Variants in PLCG2 observed in about 807,000 individuals in gnomAD.
PLCG2 encodes phospholipase C gamma 2.
PLCG2 carries 69 observed loss-of-function variants against 175.6 expected under a neutral mutation model. That is an observed-to-expected ratio of 0.39 (90% CI 0.32 to 0.48). PLCG2 has a LOEUF of 0.48. PLCG2 is among the 20% of genes least tolerant of loss of function. The pLI, the probability that PLCG2 is intolerant of heterozygous loss-of-function variation, is 0.91. For synonymous variants in PLCG2, 827 were observed against 624.0 expected, an observed-to-expected ratio of 1.33 and a Z score of -4.85; for missense variants, 1,798 against 1,650.9, an observed-to-expected ratio of 1.09 and a Z score of -1.54.
intron 21 of PLCG2, among the ~76,000 whole-genome samples, chr16:81,922,460 C>G (rs1240386385): frequency 1.3e-5 from 2 of 152,218 alleles, no homozygotes; most frequent in Non-Finnish European, 2.9e-5. Context: ...ATAGTTAGCA[C>G]TTAAGAAGTG....
intron 15 of PLCG2, among the ~76,000 whole-genome samples, chr16:81,907,305 GA>G (rs1015758596): frequency 2.0e-5 from 3 of 150,966 alleles, no homozygotes; most frequent in African/African-American, 7.3e-5. Context: ...TTCATCGGGG[GA>G]AAAAAAAAAG....
At chr16:81,852,923 C>G (rs1906490088) in intron 2 of PLCG2, among the ~76,000 whole-genome samples, 1 of 152,022 alleles carries the variant, frequency 6.6e-6, no homozygotes, top group Non-Finnish European at 1.5e-5. Flanking sequence ...CATGGCCTCT[C>G]CATAGGGCTA....
chr16:81,881,005 C>T lies in PLCG2; in HGVS notation c.692+52C>T, dbSNP rs760000536. On this transcript the variant is annotated intron_variant, in intron 8 of 32. Coordinates refer to ENST00000564138, the MANE Select transcript of PLCG2 (RefSeq NM_002661.5). ...GGGCGGCTGTGCCGGACCTCGGTGC[C>T]TGGTGCCCAGCCGGCCTCCAGGAGG... The T allele has an allele frequency of 4.6e-5, 72 of 1,578,488 alleles. No individual in the cohort carries two copies. In the East Asian group the frequency reaches 1.6e-3, roughly 35 times the overall value.
chr16:81,924,027 C>G (rs564734110), intron 22 of PLCG2, among the ~76,000 whole-genome samples: 67 of 152,250 alleles, frequency 4.4e-4, no homozygotes, highest in Non-Finnish European at 9.0e-4. Context: ...TTCCAATACA[C>G]AAGACTGTGT....
chr16:81,908,282 G>C lies in PLCG2; in HGVS notation c.1558-134G>C, dbSNP rs569893352. On this transcript the variant is annotated intron_variant, in intron 16 of 32. Transcript: ENST00000564138. ...AGGTGCTGTTTTCCCATACCCCTTCGGGTGGGGACCAGCTGAGGCTGGCCT... is the reference window on the plus strand; with the variant it reads ...AGGTGCTGTTTTCCCATACCCCTTCCGGTGGGGACCAGCTGAGGCTGGCCT... 3.7e-5 allele frequency: 28 copies of C among 750,868 alleles called. 1 individual carries two copies. Among genetic ancestry groups the C allele is most frequent in the Non-Finnish European group, 5.5e-5 (25 of 457,012 alleles). 46.5% of individuals were successfully genotyped at this position (750,868 alleles called of 1,614,324 possible).
chr16:81,891,583 C>G lies in PLCG2; in HGVS notation c.979C>G (p.His327Asp). ...GTCTCATTACTGGATCTCCTCGTCA[C>G]ATAACACGTGAGTTTCAGATGAGCC... ...PLSHYWISSSHNTYLTGDQLR... is the reference protein window; with the variant it reads ...PLSHYWISSSDNTYLTGDQLR... Residue 327 changes from histidine to aspartate, a missense_variant, in exon 11 of 33, where the codon CAT becomes GAT. By Grantham distance (81) the His-to-Asp change is moderately conservative (BLOSUM62 -1). Coordinates refer to ENST00000564138, the MANE Select transcript of PLCG2 (RefSeq NM_002661.5). 6.4e-7 allele frequency: 1 copy of G among 1,567,174 alleles called. No individual in the cohort carries two copies. The highest frequency in any genetic ancestry group is 8.8e-7 in the Non-Finnish European group (1 of 1,137,700).
At chr16:81,866,467 T>G (rs59551811) in intron 5 of PLCG2, among the ~76,000 whole-genome samples, 8 of 50,088 alleles carry the variant, frequency 1.6e-4, no homozygotes, top group East Asian at 6.8e-4. Context: ...CCTCTCCCTT[T>G]CTCCCAGGAT....
rs563152452 is a variant in PLCG2 at position 81,891,512 on chromosome 16, A to G, written c.908A>G (p.Asp303Gly). The change falls in exon 11 of 33, where the codon GAT becomes GGT. Residue 303 changes from aspartate (D) to glycine (G), a missense_variant. Transcript: ENST00000564138. ...TTTTCACGAGAAAACAGCATCTGGG[A>G]TGAGAAGTATGACGCGGTGGACATG... The part of the protein sequence containing the change: ...YLFSRENSIW[D>G]EKYDAVDMQD... 6.2e-7 allele frequency: 1 copy of G among 1,611,692 alleles called. No homozygotes were observed. Among genetic ancestry groups the G allele is most frequent in the South Asian group, 1.1e-5 (1 of 91,038 alleles).
At chr16:81,741,288 G>A (rs1408983290) in intron 1 of PLCG2, among the ~76,000 whole-genome samples, 1 of 152,200 alleles carries the variant, frequency 6.6e-6, no homozygotes, top group South Asian at 2.1e-4. Context: ...TACAGATGAG[G>A]AAACTATAGC....
Position 81,870,937 on chromosome 16 carries a change from TA to T in PLCG2, c.648+4del. ...CTTATGTTTGAACAGCAAAAATCGG[TA>T]AGATGATTCTTGAGCAAGTGATCAA... On this transcript the variant is annotated splice_donor_region_variant and intron_variant, in intron 7 of 32. Transcript: ENST00000564138. The T allele has an allele frequency of 6.6e-7, 1 of 1,523,104 alleles. No individual in the cohort carries two copies. The highest frequency in any genetic ancestry group is 9.1e-7 in the Non-Finnish European group (1 of 1,103,368). The allele number at this position is 1,523,104 out of a possible 1,614,324, so 94.3% of individuals were successfully genotyped here. A position where few individuals can be genotyped will look rare whatever the true frequency, so the allele number is the denominator to read the frequency against.
chr16:81,907,879 A>AG, intron 16 of PLCG2, 105 bp downstream of exon 16: 1 of 754,974 alleles, frequency 1.3e-6, no homozygotes, highest in South Asian at 1.5e-5. Context: ...CCGGCTGGCA[A>AG]GGGGATGCTC....
chr16:81,789,439 G>A (rs1444708735), intron 2 of PLCG2, among the ~76,000 whole-genome samples: 1 of 152,144 alleles, frequency 6.6e-6, no homozygotes, highest in Non-Finnish European at 1.5e-5. Context: ...ACAGGTGAGT[G>A]CCACCATGCC....
At chr16:81,956,242 C>G (rs1911562758) in intron 31 of PLCG2, among the ~76,000 whole-genome samples, 1 of 152,136 alleles carries the variant, frequency 6.6e-6, no homozygotes, top group African/African-American at 2.4e-5. Context: ...CCTTTTAAGG[C>G]CCTTAAAAGA....
At chr16:81,812,653 A>G (rs1231681385) in intron 2 of PLCG2, among the ~76,000 whole-genome samples, 2 of 152,160 alleles carry the variant, frequency 1.3e-5, no homozygotes, top group Non-Finnish European at 2.9e-5. Flanking sequence ...CTCTGATGAT[A>G]GTTTCTTTTG....
chr16:81,861,077 A>G (rs548358617), intron 5 of PLCG2, among the ~76,000 whole-genome samples: 3 of 152,132 alleles, frequency 2.0e-5, no homozygotes, highest in South Asian at 2.1e-4. Context: ...ACCAAACCCT[A>G]CCATTTATTG....
At chr16:81,916,973 C>A (rs184477931) in intron 19 of PLCG2, among the ~76,000 whole-genome samples, 3 of 152,112 alleles carry the variant, frequency 2.0e-5, no homozygotes, top group Non-Finnish European at 4.4e-5. Flanking sequence ...CTATGCTGTA[C>A]CATAGATCTC....
intron 2 of PLCG2, among the ~76,000 whole-genome samples, chr16:81,768,628 C>T (rs951438179): frequency 7.3e-6 from 1 of 136,124 alleles, no homozygotes; most frequent in Non-Finnish European, 1.5e-5. Context: ...TGCAATGGTG[C>T]GATCTCAGCT....
At chr16:81,881,081 C>T (rs1908056759) in intron 8 of PLCG2, 128 bp downstream of exon 8, 2 of 881,832 alleles carry the variant, frequency 2.3e-6, no homozygotes, top group African/African-American at 1.7e-5. Context: ...GGGGCCCCTG[C>T]TGGGGAATTG....
At chr16:81,855,958 C>T (rs35386949) in intron 3 of PLCG2, among the ~76,000 whole-genome samples, 3 of 152,006 alleles carry the variant, frequency 2.0e-5, no homozygotes, top group African/African-American at 7.2e-5. Flanking sequence ...TCTCCTTAGC[C>T]CCACCTGCAG....
Sources: allele counts gnomAD v4.1 joint callset (sites outside exome capture counted in the v4.1 genomes callset), GRCh38; gene constraint gnomAD v4.1.1; transcripts MANE v1.5; gene names NCBI Gene and HGNC (gene_info 2026-07-23, HGNC 2026-07-21).